The following ATP11A variants were observed in gnomAD, a reference collection of about 807,000 sequenced individuals.
ATP11A encodes phospholipid-transporting ATPase IH.
Under a neutral mutation model 154.4 loss-of-function variants are expected in ATP11A, and 81 were observed. The observed-to-expected ratio is 0.52, with a 90% confidence interval of 0.44 to 0.63. The LOEUF is 0.63. ATP11A is among the 30% of genes least tolerant of loss of function. ATP11A has a pLI of 0.00. For missense variants in ATP11A, 1,316 were observed against 1,474.3 expected, an observed-to-expected ratio of 0.89 and a Z score of 1.76; for synonymous variants, 623 against 585.9, an observed-to-expected ratio of 1.06 and a Z score of -0.91.
At chr13:112,871,269 G>T (rs1487292992) in intron 25 of ATP11A, among the ~76,000 whole-genome samples, 1 of 152,248 alleles carries the variant, frequency 6.6e-6, no homozygotes, top group African/African-American at 2.4e-5. Flanking sequence ...GAAACCCGTG[G>T]AATGTAGCTG....
chr13:112,856,127 C>T, intron 20 of ATP11A, 42 bp downstream of exon 20: 1 of 1,578,338 alleles, frequency 6.3e-7, no homozygotes, highest in Non-Finnish European at 8.6e-7. Flanking sequence ...TCAGGGCGTC[C>T]AAAACACTGA....
At chr13:112,748,140 C>T (rs754364122) in intron 1 of ATP11A, among the ~76,000 whole-genome samples, 10 of 152,126 alleles carry the variant, frequency 6.6e-5, no homozygotes, top group Non-Finnish European at 1.2e-4. Context: ...AGATTTGGGT[C>T]TCATCACAAG....
intron 9 of ATP11A, among the ~76,000 whole-genome samples, chr13:112,823,773 T>C (rs1412091092): frequency 6.6e-6 from 1 of 152,244 alleles, no homozygotes. Flanking sequence ...AGGTAACCTT[T>C]AGAAGTATAC....
intron 17 of ATP11A, among the ~76,000 whole-genome samples, chr13:112,848,566 C>T (rs1305124119): frequency 1.3e-5 from 2 of 152,240 alleles, no homozygotes; most frequent in Non-Finnish European, 2.9e-5. Context: ...CTAATCCTCT[C>T]ACTTAGAGCA....
intron 1 of ATP11A, among the ~76,000 whole-genome samples, chr13:112,733,609 G>A (rs1279646395): frequency 6.6e-6 from 1 of 152,182 alleles, no homozygotes; most frequent in East Asian, 1.9e-4. Flanking sequence ...CAGAACCTTC[G>A]AGGTAGGCCC....
rs1555309805 is a variant in ATP11A, at chr13:112,731,940, G to GC, written c.39+41485_39+41486insC. Among the ~76,000 whole-genome samples, 18 of 144,882 alleles carry GC rather than the reference G, an allele frequency of 1.2e-4. 1 individual carries two copies. The highest frequency in any genetic ancestry group is 3.4e-4 in the African/African-American group (13 of 37,802). On this transcript the variant is annotated intron_variant, in intron 1 of 29. Transcript: ENST00000375645. ...CTAGATGGTGGAGAAATGGGGGCGGGGGGGGGCAGGTGGCCCATGTTCCGG... is the reference window on the plus strand; with the variant it reads ...CTAGATGGTGGAGAAATGGGGGCGGGCGGGGGGCAGGTGGCCCATGTTCCGG...
At chr13:112,693,517 C>T (rs1276836087) in intron 1 of ATP11A, among the ~76,000 whole-genome samples, 2 of 151,516 alleles carry the variant, frequency 1.3e-5, no homozygotes, top group African/African-American at 4.9e-5. Flanking sequence ...GGTGTATGTG[C>T]TGTGGGAGCC....
chr13:112,704,111 C>T (rs1206963611), intron 1 of ATP11A, among the ~76,000 whole-genome samples: 3 of 152,214 alleles, frequency 2.0e-5, no homozygotes, highest in African/African-American at 4.8e-5. Context: ...GGGGGAGTCA[C>T]GGGAGGGCTC....
At chr13:112,839,891 G>C (rs1287395620) in intron 16 of ATP11A, among the ~76,000 whole-genome samples, 1 of 152,164 alleles carries the variant, frequency 6.6e-6, no homozygotes, top group Admixed American at 6.5e-5. Flanking sequence ...ATGTCATTTG[G>C]ACCACAGTTC....
intron 1 of ATP11A, among the ~76,000 whole-genome samples, chr13:112,770,756 G>T (rs547248626): frequency 6.6e-6 from 1 of 152,222 alleles, no homozygotes; most frequent in East Asian, 1.9e-4. Context: ...GGCTCCACGC[G>T]CCGCTTCCCT....
At chr13:112,809,703 C>A (rs534827676) in intron 4 of ATP11A, among the ~76,000 whole-genome samples, 8 of 152,336 alleles carry the variant, frequency 5.3e-5, no homozygotes, top group Admixed American at 3.3e-4. Flanking sequence ...CAGTCTCTCA[C>A]ATGCTGGGGA....
At chr13:112,733,805 T>C (rs568015771) in intron 1 of ATP11A, among the ~76,000 whole-genome samples, 1 of 152,340 alleles carries the variant, frequency 6.6e-6, no homozygotes, top group Non-Finnish European at 1.5e-5. Context: ...GTCTAAGAGC[T>C]CCAGAAATTC....
rs921785329 is a variant in ATP11A, at chr13:112,807,432, C to T, written c.333+1139C>T. ...CCCTCCGTAAGGAAATGGACAGCTC[C>T]GCCGCGGTGCATGGCAGAACACAGC... On this transcript the variant is annotated intron_variant, in intron 4 of 29. Transcript: ENST00000375645. This position sits in a 1 kb window ranked among gnomAD's most constrained non-coding sequence, Gnocchi z 4.5. 3.9e-5 allele frequency among the ~76,000 whole-genome samples: 6 copies of T among 152,188 alleles called. No homozygotes were observed. The highest frequency in any genetic ancestry group is 6.5e-5 in the Admixed American group (1 of 15,286).
intron 17 of ATP11A, among the ~76,000 whole-genome samples, chr13:112,848,987 T>A (rs375320462): frequency 3.3e-5 from 5 of 152,218 alleles, no homozygotes; most frequent in African/African-American, 1.2e-4. Context: ...CATGCCTTGC[T>A]GGTTTTTTCA....
rs116792307 is a variant in ATP11A at position 112,873,907 on chromosome 13, A to G, written c.3161+231A>G. ...TTCCGGGGGAGAAAGACGCTAACTG[A>G]TAACAGCTTGTGACGAGTTATACGG... On this transcript the variant is annotated intron_variant, in intron 27 of 29. Transcript: ENST00000375645. Among the ~76,000 whole-genome samples, 627 of 152,226 alleles carry G rather than the reference A, an allele frequency of 4.1e-3. 2 individuals carry two copies. The highest frequency in any genetic ancestry group is 0.014 in the African/African-American group (596 of 41,520).
rs189939831 is a variant in ATP11A, at chr13:112,750,869, G to A, written c.40-34266G>A. 1.1e-4 allele frequency among the ~76,000 whole-genome samples: 16 copies of A among 152,294 alleles called. 1 individual carries two copies. Among genetic ancestry groups the A allele is most frequent in the Admixed American group, 3.3e-4 (5 of 15,302 alleles). On this transcript the variant is annotated intron_variant, in intron 1 of 29. Coordinates refer to ENST00000375645, the MANE Select transcript of ATP11A (RefSeq NM_015205.3). ...AAGTAGAATTGTTATGATAATTACC[G>A]TCATCATGATATTTTTATTTATCAT...
intron 1 of ATP11A, among the ~76,000 whole-genome samples, chr13:112,772,447 C>T (rs1403450837): frequency 2.0e-5 from 3 of 152,198 alleles, no homozygotes; most frequent in Admixed American, 6.5e-5. Flanking sequence ...CATAAAATCA[C>T]CCACTTAAAC....
intron 1 of ATP11A, among the ~76,000 whole-genome samples, chr13:112,715,225 G>C (rs1888283168): frequency 6.6e-6 from 1 of 152,102 alleles, no homozygotes; most frequent in Non-Finnish European, 1.5e-5. Context: ...GCCCCCTCAG[G>C]TGCCCCAAAC....
Sources: gnomAD v4.1 joint callset for allele counts (sites outside exome capture counted in the v4.1 genomes callset) on GRCh38, gnomAD v4.1.1 for gene constraint, Gnocchi (gnomAD v3.1) non-coding constraint, MANE v1.5 for transcripts, NCBI Gene and HGNC (gene_info 2026-07-23, HGNC 2026-07-21) for gene names.